The following SRGAP2 variants were observed in gnomAD, a reference collection of about 807,000 sequenced individuals.
SRGAP2 encodes the protein SLIT-ROBO Rho GTPase activating protein 2, also known as SLIT-ROBO Rho GTPase-activating protein 2.
Under a neutral mutation model 57.2 loss-of-function variants are expected in SRGAP2, and 15 were observed. That is an observed-to-expected ratio of 0.26 (90% CI 0.18 to 0.40). SRGAP2 has a LOEUF of 0.40. Among genes scored for constraint, SRGAP2 ranks in the 10% least tolerant of loss-of-function variants. The probability of loss-of-function intolerance (pLI) is 1.00; values close to 1 mark genes in which losing one functional copy is unlikely to be tolerated. For missense variants in SRGAP2, 520 were observed against 669.6 expected (o/e 0.78, Z 2.47); for synonymous variants, 249 against 248.0 (o/e 1.00, Z -0.04).
intron 13 of SRGAP2, among the ~76,000 whole-genome samples, chr1:206,426,859 T>A (rs565145422): frequency 2.6e-5 from 4 of 152,294 alleles, no homozygotes; most frequent in African/African-American, 9.6e-5. Context: ...TATATTCTAG[T>A]TATTAATCCC....
intron 2 of SRGAP2, chr1:206,208,283 A>AATAATG (rs1174373917): frequency 6.7e-6 from 1 of 149,940 alleles, no homozygotes; most frequent in Non-Finnish European, 1.5e-5. Flanking sequence ...TAATAATAGT[A>AATAATG]ATAATGATAA....
rs1553376765 is a variant in SRGAP2 at position 206,453,246 on chromosome 1, G to A, written c.2226G>A (p.Arg742=). Residue 742 remains arginine (R), a synonymous_variant, in exon 20 of 23, where the codon CGG becomes CGA. Coordinates refer to ENST00000573034, the MANE Select transcript of SRGAP2 (RefSeq NM_015326.5). Reference sequence around the variant, plus strand: ...TTGCCAAGTTTGACTACGTGGGCCGGACAGCCCGAGAGCTATCCTTTAAGA... The same window carrying A: ...TTGCCAAGTTTGACTACGTGGGCCGAACAGCCCGAGAGCTATCCTTTAAGA... The part of the protein sequence containing the change: ...EAIAKFDYVG[R]TARELSFKKG... The A allele has an allele frequency of 1.5e-6, 1 of 669,870 alleles. No individual in the cohort carries two copies. The highest frequency in any genetic ancestry group is 2.8e-6 in the Non-Finnish European group (1 of 357,628). The allele number at this position is 669,870 out of a possible 1,614,324, so 41.5% of individuals were successfully genotyped here. A position where few individuals can be genotyped will look rare whatever the true frequency, so the allele number is the denominator to read the frequency against.
intron 3 of SRGAP2, among the ~76,000 whole-genome samples, chr1:206,341,328 A>G (rs1251562851): frequency 6.6e-6 from 1 of 152,234 alleles, no homozygotes; most frequent in Non-Finnish European, 1.5e-5. Context: ...GGAAAGAAAC[A>G]GATAGTTATT....
chr1:206,353,797 GA>G (rs1347029189), intron 4 of SRGAP2, among the ~76,000 whole-genome samples: 12 of 140,750 alleles, frequency 8.5e-5, no homozygotes, highest in African/African-American at 3.0e-4. Context: ...TTTTATTTCA[GA>G]TTTTTTTTTT....
intron 2 of SRGAP2, among the ~76,000 whole-genome samples, chr1:206,279,414 CTTTTTTCTT>C (rs1422964290): frequency 0.01 from 975 of 93,532 alleles, 5 homozygotes; most frequent in African/African-American, 0.044. Context: ...TTTTGAAACA[CTTTTTTCTT>C]TTTTTTCTTT....
chr1:206,240,070 C>A (rs550113286), intron 2 of SRGAP2, among the ~76,000 whole-genome samples: 55 of 151,910 alleles, frequency 3.6e-4, no homozygotes, highest in Admixed American at 1.6e-3. Context: ...TCGAGACCAG[C>A]CTGACTAACA....
intron 2 of SRGAP2, among the ~76,000 whole-genome samples, chr1:206,284,993 GGTT>G (rs1392428062): frequency 6.6e-6 from 1 of 151,800 alleles, no homozygotes; most frequent in Non-Finnish European, 1.5e-5. Flanking sequence ...AAAACAATAA[GGTT>G]GTTGATTTTT....
chr1:206,432,168 C>T (rs1425138448), intron 14 of SRGAP2, among the ~76,000 whole-genome samples: 9 of 152,142 alleles, frequency 5.9e-5, no homozygotes, highest in Admixed American at 2.0e-4. Context: ...GCGGCCTAGA[C>T]CAGGGTGTTA....
intron 14 of SRGAP2, among the ~76,000 whole-genome samples, chr1:206,435,026 T>A (rs543296461): frequency 6.6e-6 from 1 of 152,334 alleles, no homozygotes; most frequent in South Asian, 2.1e-4. Flanking sequence ...TTACATCCCA[T>A]TTGTAACTAG....
chr1:206,379,145 A>G (rs1655496971), intron 4 of SRGAP2, among the ~76,000 whole-genome samples: 1 of 151,992 alleles, frequency 6.6e-6, no homozygotes. Flanking sequence ...TGCTGAATAG[A>G]AAGAGCCCTG....
rs1430986809 is a variant in SRGAP2, at chr1:206,281,829, A to T, written c.68-21452A>T. On this transcript the variant is annotated intron_variant, in intron 2 of 22. Coordinates refer to ENST00000573034, the MANE Select transcript of SRGAP2 (RefSeq NM_015326.5). ...AAAAACAAACAAACAAACAAAAAAA[A>T]CTTGAACCCGGGAGGCGGTGCTTGC... Among the ~76,000 whole-genome samples, 3 of 130,234 alleles carry T rather than the reference A, an allele frequency of 2.3e-5. No homozygotes were observed. In the East Asian group the frequency reaches 6.4e-4, roughly 28 times the overall value. 85.4% of individuals were successfully genotyped at this position (130,234 alleles called of 152,430 possible). A position where few individuals can be genotyped will look rare whatever the true frequency, so the allele number is the denominator to read the frequency against.
chr1:206,342,150 G>C (rs1437467589), intron 3 of SRGAP2, among the ~76,000 whole-genome samples: 3 of 152,108 alleles, frequency 2.0e-5, no homozygotes, highest in African/African-American at 4.8e-5. Flanking sequence ...AACTTCCTTA[G>C]ATGTGTTCTG....
intron 2 of SRGAP2, among the ~76,000 whole-genome samples, chr1:206,248,679 G>A (rs1168997699): frequency 6.6e-6 from 1 of 152,170 alleles, no homozygotes; most frequent in African/African-American, 2.4e-5. Context: ...TTTCACCGTG[G>A]ATGTTGGAAT....
At chr1:206,433,377 G>T (rs113184510) in intron 14 of SRGAP2, among the ~76,000 whole-genome samples, 1,761 of 152,288 alleles carry the variant, frequency 0.012, 36 homozygotes, top group African/African-American at 0.04. Context: ...GGTGGCTCAT[G>T]CCTGTAATCC....
intron 2 of SRGAP2, among the ~76,000 whole-genome samples, chr1:206,232,159 G>A (rs1217522837): frequency 4.6e-5 from 7 of 151,978 alleles, no homozygotes; most frequent in African/African-American, 1.7e-4. Flanking sequence ...CCCGGGCTGG[G>A]GTGCTTATCT....
chr1:206,428,024 A>T (rs1660954160), intron 13 of SRGAP2, among the ~76,000 whole-genome samples: 1 of 151,958 alleles, frequency 6.6e-6, no homozygotes, highest in Admixed American at 6.6e-5. Context: ...ATCACTTGAG[A>T]CTATTTGCTC....
chr1:206,283,649 C>A (rs1417687020), intron 2 of SRGAP2, among the ~76,000 whole-genome samples: 1 of 151,758 alleles, frequency 6.6e-6, no homozygotes, highest in Admixed American at 6.6e-5. Flanking sequence ...GTACTCCAGC[C>A]TGGGCTTCCA....
At chr1:206,377,173 C>T (rs1484642664) in intron 4 of SRGAP2, among the ~76,000 whole-genome samples, 1 of 152,098 alleles carries the variant, frequency 6.6e-6, no homozygotes, top group Non-Finnish European at 1.5e-5. Context: ...ATTCATATTC[C>T]AGAAGAGGAA....
intron 2 of SRGAP2, among the ~76,000 whole-genome samples, chr1:206,302,621 C>G (rs1671937402): frequency 6.6e-6 from 1 of 152,208 alleles, no homozygotes; most frequent in Admixed American, 6.5e-5. Flanking sequence ...ATCTGATTGA[C>G]AGTGAATGGT....
Sources: allele counts gnomAD v4.1 joint callset (sites outside exome capture counted in the v4.1 genomes callset), GRCh38; gene constraint gnomAD v4.1.1; transcripts MANE v1.5; gene names NCBI Gene and HGNC (gene_info 2026-07-23, HGNC 2026-07-21).